FRMD3: variants seen among roughly 807,000 people sequenced by gnomAD.
FRMD3 encodes FERM domain containing 3.
FRMD3 carries 33 observed loss-of-function variants against 70.2 expected under a neutral mutation model. The observed-to-expected ratio is 0.47, with a 90% CI of 0.36 to 0.63. FRMD3 has a LOEUF of 0.63. FRMD3 is among the 20% of genes least tolerant of loss of function. The pLI is 0.00. For missense variants in FRMD3, 632 were observed against 711.4 expected (o/e 0.89, Z 1.27); for synonymous variants, 279 against 255.9 (o/e 1.09, Z -0.86).
At chr9:83,417,035 C>CA (rs1826478938) in intron 1 of FRMD3, among the ~76,000 whole-genome samples, 1 of 152,074 alleles carries the variant, frequency 6.6e-6, no homozygotes, top group South Asian at 2.1e-4. Context: ...ACCACGCAAG[C>CA]AAAAATATCA....
the FRMD3 span, among the ~76,000 whole-genome samples, chr9:83,546,890 C>CAAAAAAAAAAAAAAAAAAAA: frequency 1.6e-5 from 1 of 64,146 alleles, no homozygotes; most frequent in African/African-American, 5.7e-5. Context: ...GACTCTGTCT[C>CAAAAAAAAAAAAAAAAAAAA]AAAAAAAAAA....
chr9:83,287,376 C>T (rs1258506480), intron 13 of FRMD3, among the ~76,000 whole-genome samples: 2 of 152,194 alleles, frequency 1.3e-5, no homozygotes, highest in African/African-American at 4.8e-5. Context: ...AGGTCAGTGG[C>T]TCTGAGGTTG....
chr9:83,467,776 T>C, intron 1 of FRMD3: 1 of 1,424,568 alleles, frequency 7.0e-7, no homozygotes, highest in Non-Finnish European at 9.2e-7. Flanking sequence ...GAATACTGCA[T>C]TGTTTACCTA....
At chr9:83,532,573 A>G (rs1315753550) in intron 1 of FRMD3, among the ~76,000 whole-genome samples, 2 of 152,146 alleles carry the variant, frequency 1.3e-5, no homozygotes, top group Non-Finnish European at 2.9e-5. Flanking sequence ...ACGTATTCTG[A>G]AAGACGCTCC....
chr9:83,460,914 T>C (rs1348304118), intron 1 of FRMD3, among the ~76,000 whole-genome samples: 1 of 151,898 alleles, frequency 6.6e-6, no homozygotes, highest in African/African-American at 2.4e-5. Context: ...TTGACACATC[T>C]GTACACATTT....
In FRMD3 at chr9:83,406,237, A is replaced by C. The variant is rs557972501; in HGVS notation, c.148-16529T>G. ...TGCTTTCCCCTCCCTCCGTCCACCC[A>C]CACCTCCTAGTTCCCATCTCCTTCT... On this transcript the variant is annotated intron_variant, in intron 1 of 13. Transcript: ENST00000304195. Among the ~76,000 whole-genome samples the C allele has an allele frequency of 3.5e-3, 528 of 152,084 alleles. 3 individuals are homozygous for C. Among genetic ancestry groups the C allele is most frequent in the African/African-American group, 0.012 (490 of 41,486 alleles).
chr9:83,512,730 T>A (rs572377870), intron 1 of FRMD3, among the ~76,000 whole-genome samples: 51 of 152,324 alleles, frequency 3.3e-4, no homozygotes, highest in African/African-American at 1.2e-3. Flanking sequence ...TGGAGTCCCC[T>A]GGGTGCTGAG....
At chr9:83,423,598 T>TTC in intron 1 of FRMD3, among the ~76,000 whole-genome samples, 1 of 135,018 alleles carries the variant, frequency 7.4e-6, no homozygotes, top group African/African-American at 2.8e-5. Context: ...TTTTTTTTTT[T>TTC]TTTTTTTTTT....
intron 13 of FRMD3, among the ~76,000 whole-genome samples, chr9:83,264,394 T>A (rs979441661): frequency 3.3e-5 from 5 of 152,194 alleles, no homozygotes; most frequent in Admixed American, 2.6e-4. Context: ...TACATGCCAT[T>A]AAACATTTGT....
chr9:83,356,098 A>G lies in FRMD3; in HGVS notation c.296-6341T>C, dbSNP rs376493255. 7.9e-5 allele frequency among the ~76,000 whole-genome samples: 12 copies of G among 152,168 alleles called. No individual in the cohort carries two copies. In the East Asian group the frequency reaches 9.7e-4, roughly 12 times the overall value. ...TTATAAAACAGAGACAGAATTTCTC[A>G]TCTCCACATTGAGCCATTGCCCAGA... On this transcript the variant is annotated intron_variant, in intron 3 of 13. Transcript: ENST00000304195.
chr9:83,428,729 GC>G (rs1425562516), intron 1 of FRMD3, among the ~76,000 whole-genome samples: 2 of 152,128 alleles, frequency 1.3e-5, no homozygotes, highest in Non-Finnish European at 1.5e-5. Flanking sequence ...GTTGGGTGAT[GC>G]CTTTAGCCTA....
At chr9:83,512,504 G>A (rs1015773584) in intron 1 of FRMD3, among the ~76,000 whole-genome samples, 2 of 152,196 alleles carry the variant, frequency 1.3e-5, no homozygotes, top group Non-Finnish European at 2.9e-5. Context: ...TGTTGATTTA[G>A]TTAATGGTTA....
rs568030561 is a variant in FRMD3 at position 83,254,793 on chromosome 9, C to T, written c.1196-6277G>A. On this transcript the variant is annotated intron_variant, in intron 13 of 13. Transcript: ENST00000304195. ...AAAATCTAGAAGAAATGGATAAATT[C>T]CTGGACACATACACCTTCCCAAGAC... 3.9e-5 allele frequency among the ~76,000 whole-genome samples: 6 copies of T among 152,194 alleles called. No individual in the cohort carries two copies. In the East Asian group the frequency reaches 9.6e-4, roughly 24 times the overall value.
chr9:83,511,358 C>T (rs144156379), intron 1 of FRMD3, among the ~76,000 whole-genome samples: 1 of 152,260 alleles, frequency 6.6e-6, no homozygotes, highest in African/African-American at 2.4e-5. Flanking sequence ...AGGGGGGAGG[C>T]TGAGAAGGAG....
chr9:83,434,563 G>A (rs898389101), intron 1 of FRMD3, among the ~76,000 whole-genome samples: 4 of 152,182 alleles, frequency 2.6e-5, no homozygotes, highest in African/African-American at 9.7e-5. Context: ...AGAACAATGG[G>A]TTTTCTGAAT....
the FRMD3 span, among the ~76,000 whole-genome samples, chr9:83,551,964 A>C: frequency 4.7e-5 from 7 of 149,728 alleles, no homozygotes; most frequent in East Asian, 1.4e-3. Flanking sequence ...TCGTGTCTCA[A>C]TTTCCTTCAG....
At chr9:83,288,892 A>G (rs919076376) in intron 13 of FRMD3, among the ~76,000 whole-genome samples, 1 of 152,338 alleles carries the variant, frequency 6.6e-6, no homozygotes, top group Middle Eastern at 3.4e-3. Flanking sequence ...TTGGGGGATC[A>G]TAAGGCAGCA....
At chr9:83,459,896 G>T (rs1827922155) in intron 1 of FRMD3, among the ~76,000 whole-genome samples, 1 of 152,264 alleles carries the variant, frequency 6.6e-6, no homozygotes, top group Non-Finnish European at 1.5e-5. Context: ...CTTGCAGACA[G>T]CTGCCTTCTC....
chr9:83,278,166 C>A (rs1833856162), intron 13 of FRMD3, among the ~76,000 whole-genome samples: 1 of 152,196 alleles, frequency 6.6e-6, no homozygotes, highest in Non-Finnish European at 1.5e-5. Context: ...AGAGAAGACC[C>A]TCCTGGGTGG....
Sources: allele counts gnomAD v4.1 joint callset (sites outside exome capture counted in the v4.1 genomes callset), GRCh38; gene constraint gnomAD v4.1.1; transcripts MANE v1.5; gene names NCBI Gene and HGNC (gene_info 2026-07-23, HGNC 2026-07-21).